Variants in JAKMIP3 observed in about 807,000 individuals in gnomAD.
JAKMIP3 encodes the protein janus kinase and microtubule-interacting protein 3.
JAKMIP3 carries 58 observed loss-of-function variants against 118.5 expected under a neutral mutation model. The ratio of observed to expected loss-of-function variants is 0.49; its 90% confidence interval spans 0.40 to 0.61. The LOEUF (loss-of-function observed/expected upper bound fraction) is 0.61, where lower values mean the gene tolerates loss of function less well. Ranked by LOEUF, JAKMIP3 falls within the 20% of genes least tolerant of loss-of-function variation. The probability of loss-of-function intolerance (pLI) is 0.00; values close to 1 mark genes in which losing one functional copy is unlikely to be tolerated. For synonymous variants in JAKMIP3, 486 were observed against 451.2 expected (o/e 1.08, Z -0.98); for missense variants, 950 against 1,109.0 (o/e 0.86, Z 2.04).
Position 132,159,004 on chromosome 10 carries a change from G to A in JAKMIP3, c.2221-4205G>A, listed in dbSNP as rs186369510. Among the ~76,000 whole-genome samples, 96 of 70,558 alleles carry A rather than the reference G, an allele frequency of 1.4e-3. 3 individuals are homozygous for A. Among genetic ancestry groups the A allele is most frequent in the African/African-American group, 5.8e-3 (94 of 16,226 alleles). 46.3% of individuals were successfully genotyped at this position (70,558 alleles called of 152,430 possible). A position where few individuals can be genotyped will look rare whatever the true frequency, so the allele number is the denominator to read the frequency against. On this transcript the variant is annotated intron_variant, in intron 19 of 23. Coordinates refer to ENST00000684848, the MANE Select transcript of JAKMIP3 (RefSeq NM_001323087.2). The stretch of plus-strand genomic sequence containing the variant: ...CTCTCGCTGTGTGATGCTGGGGGGG[G>A]GCCTCTCCCTGTGTGATGCTGGGGG...
At chr10:132,101,119 G>A (rs2044829764) in intron 1 of JAKMIP3, among the ~76,000 whole-genome samples, 1 of 152,220 alleles carries the variant, frequency 6.6e-6, no homozygotes, top group South Asian at 2.1e-4. Context: ...AATCTGTTCG[G>A]AGGAGCTGGG....
At position 132,097,975 on chromosome 10, in the gene JAKMIP3, CTCCCCT is replaced by C. The variant is rs544129339; in HGVS notation, c.-137-6672_-137-6667del. 6.2e-3 allele frequency among the ~76,000 whole-genome samples: 215 copies of C among 34,580 alleles called. 38 individuals carry two copies. The highest frequency in any genetic ancestry group is 0.015 in the Middle Eastern group (1 of 66). 22.7% of individuals were successfully genotyped at this position (34,580 alleles called of 152,430 possible). A position where few individuals can be genotyped will look rare whatever the true frequency, so the allele number is the denominator to read the frequency against. On this transcript the variant is annotated intron_variant, in intron 1 of 23. Transcript: ENST00000684848. The stretch of plus-strand genomic sequence containing the variant: ...ATCCCCTTTCCCTTTCCTTCCTTTT[CTCCCCT>C]TCCCCTTCCCCTTCCCCTTCCCCTC...
At chr10:132,141,501 A>G (rs1437917908) in intron 10 of JAKMIP3, among the ~76,000 whole-genome samples, 1 of 152,140 alleles carries the variant, frequency 6.6e-6, no homozygotes, top group Admixed American at 6.5e-5. Flanking sequence ...CACAAAGCCC[A>G]GCTTTCTTCC....
At position 132,150,040 on chromosome 10, in the gene JAKMIP3, G is replaced by A; in HGVS notation, c.2006G>A (p.Ser669Asn). ...KLDILGDNAVSNLTNEEQVVV... is the reference protein window; with the variant it reads ...KLDILGDNAVNNLTNEEQVVV... ...GACATCCTGGGCGATAACGCCGTAA[G>A]TGTATGTCGCTCTCCTGGCTTGTGC... The change falls in exon 16 of 24, where the codon AGT becomes AAT. Residue 669 changes from serine to asparagine, a missense_variant and splice_region_variant. Physicochemically the swap from Ser to Asn is conservative, Grantham distance 46 (BLOSUM62 1). Coordinates refer to ENST00000684848, the MANE Select transcript of JAKMIP3 (RefSeq NM_001323087.2). 2 of 1,595,662 alleles carry A rather than the reference G, an allele frequency of 1.3e-6. No homozygotes were observed. The highest frequency in any genetic ancestry group is 1.7e-6 in the Non-Finnish European group (2 of 1,172,306).
chr10:132,088,825 G>T (rs2042747790), intron 1 of JAKMIP3, among the ~76,000 whole-genome samples: 1 of 152,172 alleles, frequency 6.6e-6, no homozygotes, highest in African/African-American at 2.4e-5. Flanking sequence ...TTCTTCTAGG[G>T]TTTTTGTGGG....
At chr10:132,042,500 G>A (rs939601186) in intron 1 of JAKMIP3, among the ~76,000 whole-genome samples, 12 of 152,122 alleles carry the variant, frequency 7.9e-5, no homozygotes, top group East Asian at 1.9e-4. Flanking sequence ...GAGCCACGGC[G>A]CCTGCTGTGT....
At chr10:132,147,686 G>T (rs1035500432) in intron 13 of JAKMIP3, among the ~76,000 whole-genome samples, 1 of 152,374 alleles carries the variant, frequency 6.6e-6, no homozygotes, top group East Asian at 1.9e-4. Flanking sequence ...GGCCACCCAA[G>T]CTCAGGGCCC....
chr10:132,181,527 C>T (rs1022308205), intron 23 of JAKMIP3: 6 of 152,104 alleles, frequency 3.9e-5, no homozygotes, highest in African/African-American at 9.7e-5. Context: ...TTCTAGAGAT[C>T]GATGGTTCCG....
At chr10:132,068,553 G>C (rs2039303013) in intron 1 of JAKMIP3, among the ~76,000 whole-genome samples, 1 of 152,172 alleles carries the variant, frequency 6.6e-6, no homozygotes, top group African/African-American at 2.4e-5. Context: ...TGTTGGTCTG[G>C]CACCCCAAGC....
At chr10:132,181,027 GT>G (rs1346175434) in intron 23 of JAKMIP3, among the ~76,000 whole-genome samples, 1 of 152,114 alleles carries the variant, frequency 6.6e-6, no homozygotes, top group Non-Finnish European at 1.5e-5. Context: ...TGTATGTGCT[GT>G]TTGCACATGT....
Position 132,163,259 on chromosome 10 carries a change from CG to C in JAKMIP3, c.2275del (p.Ala759LeufsTer27). 6.3e-7 allele frequency: 1 copy of C among 1,585,644 alleles called. No homozygotes were observed. The highest frequency in any genetic ancestry group is 8.6e-7 in the Non-Finnish European group (1 of 1,166,868). On this transcript the variant is annotated frameshift_variant, in exon 20 of 24. Transcript: ENST00000684848. LOFTEE classifies it high-confidence loss of function. ...MLYDALQQEA[G>X]AKVAELLSEE... ...TGTATGATGCCCTGCAGCAGGAGGC[CG>C]GGGCTAAGGTGGCTGAGCTGCTGTC...
intron 1 of JAKMIP3, among the ~76,000 whole-genome samples, chr10:132,078,971 G>A (rs978445090): frequency 1.3e-5 from 2 of 152,124 alleles, no homozygotes; most frequent in African/African-American, 2.4e-5. Context: ...GCAGCGCAGG[G>A]CTGGTGGGTG....
chr10:132,062,223 C>A (rs1418228681), upstream of JAKMIP3, among the ~76,000 whole-genome samples: 1 of 152,242 alleles, frequency 6.6e-6, no homozygotes, highest in Non-Finnish European at 1.5e-5. Context: ...ATCCTCTCTG[C>A]CCCTCAGACT....
chr10:132,138,665 A>G (rs758102607), intron 9 of JAKMIP3, among the ~76,000 whole-genome samples: 4 of 152,238 alleles, frequency 2.6e-5, no homozygotes, highest in South Asian at 4.1e-4. Flanking sequence ...GAAGATAGGA[A>G]TTGGTAACAA....
intron 3 of JAKMIP3, among the ~76,000 whole-genome samples, chr10:132,125,619 G>T (rs912238433): frequency 1.3e-5 from 2 of 152,210 alleles, no homozygotes; most frequent in South Asian, 4.2e-4. Context: ...TAATGAACCT[G>T]GTGTATTTAC....
At chr10:132,116,365 T>G (rs565999897) in intron 2 of JAKMIP3, among the ~76,000 whole-genome samples, 3 of 150,280 alleles carry the variant, frequency 2.0e-5, no homozygotes, top group East Asian at 2.0e-4. Context: ...GAATACACAT[T>G]CAGGTGTGAG....
chr10:132,153,105 C>T (rs1325322083), intron 17 of JAKMIP3, 82 bp downstream of exon 17: 58 of 1,187,502 alleles, frequency 4.9e-5, no homozygotes, highest in Middle Eastern at 2.0e-4. Context: ...GTGGTGATCT[C>T]GGGAGGAGGG....
At chr10:132,071,887 T>C (rs1011701811) in intron 1 of JAKMIP3, among the ~76,000 whole-genome samples, 1 of 41,788 alleles carries the variant, frequency 2.4e-5, no homozygotes, top group Non-Finnish European at 4.1e-5. Context: ...TTCCTTTCTT[T>C]CTTTCCTTTC....
At chr10:132,069,298 T>G (rs2039442154) in intron 1 of JAKMIP3, among the ~76,000 whole-genome samples, 1 of 152,102 alleles carries the variant, frequency 6.6e-6, no homozygotes, top group African/African-American at 2.4e-5. Flanking sequence ...GTTTTTCTTC[T>G]GAAGGGACAC....
Sources: allele counts gnomAD v4.1 joint callset (sites outside exome capture counted in the v4.1 genomes callset), GRCh38; gene constraint gnomAD v4.1.1; transcripts MANE v1.5; gene names NCBI Gene and HGNC (gene_info 2026-07-23, HGNC 2026-07-21).